The following RAF1 variants were observed in gnomAD, a reference collection of about 807,000 sequenced individuals.
The protein encoded by RAF1 is Raf-1 proto-oncogene, serine/threonine kinase.
RAF1 carries 27 observed loss-of-function variants against 81.1 expected under a neutral mutation model. The ratio of observed to expected loss-of-function variants is 0.33; its 90% CI spans 0.25 to 0.46. RAF1 has a LOEUF of 0.46. Among genes scored for constraint, RAF1 ranks in the 20% least tolerant of loss-of-function variants. The pLI, the probability that RAF1 is intolerant of heterozygous loss-of-function variation, is 1.00. For missense variants in RAF1, 598 were observed against 826.0 expected, an observed-to-expected ratio of 0.72 and a Z score of 3.38; for synonymous variants, 298 against 294.0, an observed-to-expected ratio of 1.01 and a Z score of -0.14.
intron 10 of RAF1, 98 bp from the exon 10 acceptor site, chr3:12,599,906 A>G (rs188028470): frequency 1.6e-5 from 19 of 1,219,020 alleles, no homozygotes; most frequent in Non-Finnish European, 1.2e-6. Flanking sequence ...CTGTTTCCAT[A>G]TCTTTTAAAG....
intron 1 of RAF1, among the ~76,000 whole-genome samples, chr3:12,659,402 T>A (rs1386745978): frequency 8.9e-6 from 1 of 112,336 alleles, no homozygotes; most frequent in Non-Finnish European, 1.7e-5. Flanking sequence ...CACTCCAGCC[T>A]GGGCAACAGC....
intron 11 of RAF1, among the ~76,000 whole-genome samples, chr3:12,596,908 T>TA (rs2058703879): frequency 6.6e-6 from 1 of 151,996 alleles, no homozygotes; most frequent in African/African-American, 2.4e-5. Flanking sequence ...AGAATCTTTT[T>TA]TTTTTTTTGA....
chr3:12,604,996 G>A (rs1196939951), intron 6 of RAF1, among the ~76,000 whole-genome samples: 1 of 152,078 alleles, frequency 6.6e-6, no homozygotes, highest in Non-Finnish European at 1.5e-5. Flanking sequence ...GCTTTTCTAA[G>A]GGAAATTGTT....
intron 1 of RAF1, among the ~76,000 whole-genome samples, chr3:12,647,452 G>GCA (rs1308174350): frequency 7.0e-6 from 1 of 143,268 alleles, no homozygotes; most frequent in African/African-American, 2.7e-5. Context: ...AATCAGCCAT[G>GCA]CACGGTGTAG....
intron 1 of RAF1, among the ~76,000 whole-genome samples, chr3:12,656,093 C>T (rs1348520656): frequency 1.4e-5 from 2 of 145,102 alleles, no homozygotes; most frequent in Non-Finnish European, 3.0e-5. Flanking sequence ...TTCCAACTTA[C>T]ATAAGACAGC....
At chr3:12,626,949 A>G (rs1183674223) in intron 1 of RAF1, among the ~76,000 whole-genome samples, 2 of 150,164 alleles carry the variant, frequency 1.3e-5, no homozygotes, top group African/African-American at 4.9e-5. Context: ...GCTTGAACCC[A>G]GGAGGCAGAG....
chr3:12,624,144 G>A (rs1160071159), intron 1 of RAF1, among the ~76,000 whole-genome samples: 1 of 152,074 alleles, frequency 6.6e-6, no homozygotes, highest in Non-Finnish European at 1.5e-5. Context: ...GTGAGCCACT[G>A]CACCCGGCCT....
At chr3:12,624,895 A>AAC (rs1553618105) in intron 1 of RAF1, among the ~76,000 whole-genome samples, 4 of 150,336 alleles carry the variant, frequency 2.7e-5, no homozygotes, top group African/African-American at 9.9e-5. Context: ...CAAAAAAAAA[A>AAC]AAAAAAACAA....
Position 12,663,665 on chromosome 3 carries a change from A to G in RAF1, c.-27+148T>C, listed in dbSNP as rs5746152. On this transcript the variant is annotated intron_variant, in intron 1 of 17. Transcript: ENST00000442415. ...CGGGGCCCCCGCCCAACGCTACCCC[A>G]GGGTGACAACGGCCTGGCCCAAGCC... is the stretch of plus-strand genomic sequence containing the variant. 0.82 allele frequency: 314,390 copies of G among 384,292 alleles called. 129,622 individuals are homozygous for G. The highest frequency in any genetic ancestry group is 0.95 in the African/African-American group (45,982 of 48,210). 23.8% of individuals were successfully genotyped at this position (384,292 alleles called of 1,614,324 possible).
chr3:12,628,288 T>G (rs986861665), intron 1 of RAF1, among the ~76,000 whole-genome samples: 1 of 152,084 alleles, frequency 6.6e-6, no homozygotes, highest in African/African-American at 2.4e-5. Flanking sequence ...CCCTGCACTT[T>G]GGGAGACCAA....
intron 2 of RAF1, 98 bp downstream of exon 2, chr3:12,618,417 A>T (rs914636000): frequency 7.8e-7 from 1 of 1,276,606 alleles, no homozygotes; most frequent in Admixed American, 1.7e-5. Context: ...ACCCTAAATG[A>T]CAATGAATAT....
chr3:12,632,805 T>C (rs1294214043), intron 1 of RAF1, among the ~76,000 whole-genome samples: 1 of 152,088 alleles, frequency 6.6e-6, no homozygotes, highest in East Asian at 1.9e-4. Flanking sequence ...TCAAACCTTG[T>C]AATGACATGG....
Position 12,584,225 on chromosome 3 carries a change from T to C in RAF1, c.*289A>G, listed in dbSNP as rs1290523650. The C allele has an allele frequency of 4.2e-6, 2 of 480,138 alleles. No individual in the cohort carries two copies. Among genetic ancestry groups the C allele is most frequent in the Non-Finnish European group, 7.7e-6 (2 of 260,950 alleles). The allele number at this position is 480,138 out of a possible 1,614,324, so 29.7% of individuals were successfully genotyped here. On this transcript the variant is annotated 3_prime_UTR_variant, in exon 18 of 18. Transcript: ENST00000442415. The stretch of plus-strand genomic sequence containing the variant: ...GCTGGGGCTGGGCCCCTGCTTTTTG[T>C]ACTACCATCAACATCCACTTGCGCA...
intron 8 of RAF1, among the ~76,000 whole-genome samples, chr3:12,602,921 C>T (rs2058907159): frequency 6.6e-6 from 1 of 151,932 alleles, no homozygotes; most frequent in Non-Finnish European, 1.5e-5. Flanking sequence ...GGTTTATCAA[C>T]CAAAAACACA....
intron 1 of RAF1, among the ~76,000 whole-genome samples, chr3:12,632,624 A>AT (rs954957520): frequency 1.3e-5 from 2 of 152,170 alleles, no homozygotes; most frequent in African/African-American, 2.4e-5. Flanking sequence ...ACTATTTTCT[A>AT]TTTTTTATAC....
intron 1 of RAF1, among the ~76,000 whole-genome samples, chr3:12,622,345 C>T (rs2059580283): frequency 6.6e-6 from 1 of 152,188 alleles, no homozygotes; most frequent in Non-Finnish European, 1.5e-5. Context: ...GCTTAAAATG[C>T]AACTCATTGT....
rs575931610 is a variant in RAF1 at position 12,584,155 on chromosome 3, G to A, written c.*359C>T. 11 of 394,022 alleles carry A rather than the reference G, an allele frequency of 2.8e-5. No individual in the cohort carries two copies. The highest frequency in any genetic ancestry group is 1.2e-4 in the South Asian group (4 of 33,238). 24.4% of individuals were successfully genotyped at this position (394,022 alleles called of 1,614,324 possible). A position where few individuals can be genotyped will look rare whatever the true frequency, so the allele number is the denominator to read the frequency against. On this transcript the variant is annotated 3_prime_UTR_variant, in exon 18 of 18. Transcript: ENST00000442415. ...CCCATGTGTCTCCACATCAGGGCTG[G>A]ACTGCCTGCTACCTTACTTCCTCTA...
chr3:12,635,637 CAAAAAAA>C (rs34576938), intron 1 of RAF1, among the ~76,000 whole-genome samples: 4 of 73,278 alleles, frequency 5.5e-5, no homozygotes, highest in Non-Finnish European at 7.2e-5. Flanking sequence ...ACTCCAGCTC[CAAAAAAA>C]AAAAAAAAAA....
intron 1 of RAF1, among the ~76,000 whole-genome samples, chr3:12,622,450 G>A (rs1470473374): frequency 6.6e-6 from 1 of 152,140 alleles, no homozygotes; most frequent in African/African-American, 2.4e-5. Context: ...TGTGCCTCAA[G>A]ACTTCTGAAC....
Sources: gnomAD v4.1 joint callset for allele counts (sites outside exome capture counted in the v4.1 genomes callset) on GRCh38, gnomAD v4.1.1 for gene constraint, MANE v1.5 for transcripts, NCBI Gene and HGNC (gene_info 2026-07-23, HGNC 2026-07-21) for gene names.